C1orf146: variants seen among roughly 807,000 people sequenced by gnomAD.
C1orf146 encodes protein SPO16 homolog.
A neutral mutation model predicts 23.0 loss-of-function variants in C1orf146; 22 were observed. The ratio of observed to expected loss-of-function variants is 0.96; its 90% CI spans 0.68 to 1.36. The LOEUF (loss-of-function observed/expected upper bound fraction) is 1.36, where lower values mean the gene tolerates loss of function less well. C1orf146 is among the 40% of genes most tolerant of loss of function. The pLI is 0.00. For missense variants in C1orf146, 199 were observed against 206.8 expected, an observed-to-expected ratio of 0.96 and a Z score of 0.23; for synonymous variants, 59 against 65.3, an observed-to-expected ratio of 0.90 and a Z score of 0.47.
intron 1 of C1orf146, 144 bp downstream of exon 1, chr1:92,218,192 C>T (rs1030607040): frequency 6.6e-6 from 1 of 152,174 alleles, no homozygotes; most frequent in Non-Finnish European, 1.5e-5. Flanking sequence ...GGGAGGAGAT[C>T]CTGCCCACCC....
intron 1 of C1orf146, among the ~76,000 whole-genome samples, chr1:92,220,625 A>G (rs1172429551): frequency 1.3e-5 from 2 of 152,244 alleles, no homozygotes; most frequent in Admixed American, 1.3e-4. Flanking sequence ...CCAGTCATAT[A>G]TGAAGTCCAT....
intron 2 of C1orf146, among the ~76,000 whole-genome samples, chr1:92,241,101 T>C (rs538457761): frequency 6.6e-6 from 1 of 152,058 alleles, no homozygotes; most frequent in South Asian, 2.1e-4. Context: ...TGGCACTATG[T>C]GGTTCTGTCA....
At chr1:92,244,426 G>T in intron 4 of C1orf146, 41 bp downstream of exon 4, 1 of 1,445,614 alleles carries the variant, frequency 6.9e-7, no homozygotes, top group East Asian at 2.3e-5. Flanking sequence ...TTCTTATATT[G>T]TATTTATTTC....
chr1:92,225,625 T>C (rs1190611416), intron 1 of C1orf146, among the ~76,000 whole-genome samples: 1 of 152,184 alleles, frequency 6.6e-6, no homozygotes. Context: ...ATTTTTAATT[T>C]AATTTTATTG....
At chr1:92,227,728 T>C (rs1042549262) in intron 1 of C1orf146, among the ~76,000 whole-genome samples, 2 of 152,208 alleles carry the variant, frequency 1.3e-5, no homozygotes, top group Non-Finnish European at 2.9e-5. Context: ...ACTTAAAAGC[T>C]ATTATTCAGT....
chr1:92,223,332 T>C (rs1010519311), intron 1 of C1orf146, among the ~76,000 whole-genome samples: 1 of 152,232 alleles, frequency 6.6e-6, no homozygotes, highest in African/African-American at 2.4e-5. Flanking sequence ...TACTGTTAGT[T>C]TGTTAAATTT....
chr1:92,243,154 CTT>C (rs1253962181), intron 3 of C1orf146, among the ~76,000 whole-genome samples: 1 of 152,064 alleles, frequency 6.6e-6, no homozygotes, highest in East Asian at 1.9e-4. Context: ...GAAGAGGAAA[CTT>C]ATGTTCAGAG....
intron 2 of C1orf146, among the ~76,000 whole-genome samples, chr1:92,241,088 G>A (rs1346645737): frequency 6.6e-6 from 1 of 151,986 alleles, no homozygotes. Flanking sequence ...TATTGTATAT[G>A]TCTGGCACTA....
At chr1:92,224,295 G>A (rs895059392) in intron 1 of C1orf146, among the ~76,000 whole-genome samples, 4 of 151,916 alleles carry the variant, frequency 2.6e-5, no homozygotes, top group African/African-American at 2.4e-5. Context: ...TGATCTGCTC[G>A]CCTCAGCCTC....
chr1:92,226,395 G>A (rs567971521), intron 1 of C1orf146, among the ~76,000 whole-genome samples: 2 of 148,774 alleles, frequency 1.3e-5, no homozygotes, highest in East Asian at 3.9e-4. Flanking sequence ...ATACATGCAC[G>A]CATGCACACA....
intron 2 of C1orf146, chr1:92,240,978 T>C (rs1170397362): frequency 1.5e-5 from 7 of 456,866 alleles, no homozygotes; most frequent in South Asian, 3.2e-5. Context: ...TTTTCTTACA[T>C]GTTTTATGAC....
intron 1 of C1orf146, among the ~76,000 whole-genome samples, chr1:92,230,064 A>ATTG (rs34469076): frequency 2.6e-5 from 4 of 151,464 alleles, no homozygotes; most frequent in African/African-American, 7.3e-5. Flanking sequence ...TGTATGGTGC[A>ATTG]TTGTTGTTGT....
chr1:92,231,331 A>G, intron 1 of C1orf146, 51 bp from the exon 2 acceptor site: 1 of 816,642 alleles, frequency 1.2e-6, no homozygotes. Flanking sequence ...TCTTTAATTT[A>G]CTCATTCATC....
At chr1:92,230,770 T>TA (rs556414831) in intron 1 of C1orf146, among the ~76,000 whole-genome samples, 57 of 151,204 alleles carry the variant, frequency 3.8e-4, no homozygotes, top group Non-Finnish European at 5.9e-4. Context: ...AGACCCTCTT[T>TA]AAAAAAAAAT....
intron 1 of C1orf146, among the ~76,000 whole-genome samples, chr1:92,219,859 A>T (rs999399758): frequency 6.6e-6 from 1 of 151,894 alleles, no homozygotes; most frequent in African/African-American, 2.4e-5. Flanking sequence ...ATATACATAA[A>T]TTTTTTGGAA....
chr1:92,220,075 T>C (rs1393497244), intron 1 of C1orf146, among the ~76,000 whole-genome samples: 10 of 152,120 alleles, frequency 6.6e-5, no homozygotes, highest in Admixed American at 4.6e-4. Context: ...TGTGTGGGGT[T>C]TTTTTGTTTG....
chr1:92,234,957 AT>A (rs2100741118), intron 2 of C1orf146, among the ~76,000 whole-genome samples: 1 of 152,278 alleles, frequency 6.6e-6, no homozygotes, highest in African/African-American at 2.4e-5. Context: ...CAGTGGTGAT[AT>A]CCCCTTTATC....
chr1:92,229,107 A>T (rs1248795571), intron 1 of C1orf146: 9 of 507,702 alleles, frequency 1.8e-5, no homozygotes, highest in Non-Finnish European at 3.5e-5. Context: ...TGAGGTCAGG[A>T]TGGAGCCGCC....
Position 92,242,204 on chromosome 1 carries a change from TAA to T in C1orf146, c.67-3_67-2del. 4 of 1,525,258 alleles carry T rather than the reference TAA, an allele frequency of 2.6e-6. No individual in the cohort carries two copies. Among genetic ancestry groups the T allele is most frequent in the Middle Eastern group, 1.7e-4 (1 of 5,818 alleles). The allele number at this position is 1,525,258 out of a possible 1,614,324, so 94.5% of individuals were successfully genotyped here. On this transcript the variant is annotated splice_region_variant and splice_polypyrimidine_tract_variant and intron_variant, in intron 2 of 5. Coordinates refer to ENST00000370375, the MANE Select transcript of C1orf146 (RefSeq NM_001012425.2). ...TTAAATTTGTATTTCTGATATTTTT[TAA>T]AAAAGAGTTATGAAGTTGCAACTGC...
Sources: allele counts gnomAD v4.1 joint callset (sites outside exome capture counted in the v4.1 genomes callset), GRCh38; gene constraint gnomAD v4.1.1; transcripts MANE v1.5; gene names NCBI Gene and HGNC (gene_info 2026-07-23, HGNC 2026-07-21).